MEGF10: variants seen among roughly 807,000 people sequenced by gnomAD.
MEGF10 encodes the protein multiple epidermal growth factor-like domains protein 10.
MEGF10 carries 86 observed loss-of-function variants against 147.5 expected under a neutral mutation model. The ratio of observed to expected loss-of-function variants is 0.58; its 90% CI spans 0.49 to 0.70. The LOEUF (loss-of-function observed/expected upper bound fraction) is 0.70, where lower values mean the gene tolerates loss of function less well. MEGF10 is among the 30% of genes least tolerant of loss of function. MEGF10 has a pLI of 0.00. For synonymous variants in MEGF10, 478 were observed against 525.5 expected, an observed-to-expected ratio of 0.91 and a Z score of 1.24; for missense variants, 1,329 against 1,487.3, an observed-to-expected ratio of 0.89 and a Z score of 1.75.
chr5:127,233,180 G>T, the MEGF10 span, among the ~76,000 whole-genome samples: 1 of 152,314 alleles, frequency 6.6e-6, no homozygotes, highest in East Asian at 1.9e-4. Context: ...CACAATGGAA[G>T]CCCTGTTGCC....
chr5:127,271,732 T>C, the MEGF10 span, among the ~76,000 whole-genome samples: 5 of 152,154 alleles, frequency 3.3e-5, no homozygotes, highest in East Asian at 3.9e-4. Context: ...CCTGCTGCCA[T>C]GTGGAAAAGA....
In MEGF10 at chr5:127,336,465, T is replaced by TTGG. The variant is rs1475948498; in HGVS notation, c.117-2652_117-2650dup. Among the ~76,000 whole-genome samples, 6 of 152,220 alleles carry TTGG rather than the reference T, an allele frequency of 3.9e-5. No individual in the cohort carries two copies. In the South Asian group the frequency reaches 6.2e-4, roughly 16 times the overall value. On this transcript the variant is annotated intron_variant, in intron 2 of 24. Transcript: ENST00000503335. ...GATTGTCCTTTTAATAAAAGAGCTATTGGTGAGCAGCAAGTGACAAGAAGA... is the reference window on the plus strand; with the variant it reads ...GATTGTCCTTTTAATAAAAGAGCTATTGGTGGTGAGCAGCAAGTGACAAGAAGA...
intron 4 of MEGF10, among the ~76,000 whole-genome samples, chr5:127,348,610 A>C (rs1761981521): frequency 1.3e-5 from 2 of 152,100 alleles, no homozygotes; most frequent in Non-Finnish European, 2.9e-5. Context: ...CTATTCAGAG[A>C]TTTACTTTGT....
chr5:127,417,738 C>T lies in MEGF10; in HGVS notation c.1231C>T (p.Gln411Ter). 6.2e-7 allele frequency: 1 copy of T among 1,614,100 alleles called. No homozygotes were observed. Reference protein sequence around the residue: ...SPGFYGEACQQICSCQNGADC... With the variant: ...SPGFYGEACQ Reference sequence around the variant, plus strand: ...TGGATTCTACGGGGAAGCTTGCCAGCAGATCTGCAGCTGCCAAAATGGGGC... The same window carrying T: ...TGGATTCTACGGGGAAGCTTGCCAGTAGATCTGCAGCTGCCAAAATGGGGC... The change falls in exon 10 of 25, where the codon CAG (glutamine) becomes TAG (stop). Residue 411 changes from glutamine to a stop codon, truncating the protein, a stop_gained. Transcript: ENST00000503335. LOFTEE classifies it high-confidence loss of function.
chr5:127,424,286 A>G (rs932111342), intron 13 of MEGF10: 2 of 701,576 alleles, frequency 2.9e-6, no homozygotes, highest in Non-Finnish European at 5.2e-6. Flanking sequence ...GCTTAGGAGG[A>G]AGCATTAAAA....
chr5:127,296,957 TTTTTGTTTTG>T (rs1330475766), intron 1 of MEGF10, among the ~76,000 whole-genome samples: 1 of 152,166 alleles, frequency 6.6e-6, no homozygotes, highest in Admixed American at 6.5e-5. Context: ...CCACCAGTTT[TTTTTGTTTTG>T]TTTTGTTTTG....
chr5:127,324,145 C>T (rs1580713341), intron 1 of MEGF10, among the ~76,000 whole-genome samples: 2 of 151,684 alleles, frequency 1.3e-5, no homozygotes, highest in East Asian at 3.9e-4. Flanking sequence ...GTTGCTGTAG[C>T]AGCGTTGAAA....
intron 1 of MEGF10, among the ~76,000 whole-genome samples, chr5:127,307,797 G>A (rs947023937): frequency 6.6e-6 from 1 of 152,100 alleles, no homozygotes; most frequent in Non-Finnish European, 1.5e-5. Context: ...GAAATTGTTG[G>A]CTTTAAAAAT....
intron 4 of MEGF10, among the ~76,000 whole-genome samples, chr5:127,355,232 G>A (rs1420874388): frequency 6.6e-6 from 1 of 152,092 alleles, no homozygotes; most frequent in Non-Finnish European, 1.5e-5. Context: ...ATTGGAGTTT[G>A]AGGCAGACAG....
intron 15 of MEGF10, 96 bp from the exon 16 acceptor site, chr5:127,435,265 G>T: frequency 7.0e-7 from 1 of 1,430,646 alleles, no homozygotes. Flanking sequence ...TGAGCAGCTG[G>T]GCCTGTGACC....
chr5:127,368,383 T>C lies in MEGF10; in HGVS notation c.320-1527T>C, dbSNP rs74702089. Among the ~76,000 whole-genome samples the C allele has an allele frequency of 1.4e-3, 212 of 152,338 alleles. 1 individual carries two copies. Among genetic ancestry groups the C allele is most frequent in the African/African-American group, 4.9e-3 (203 of 41,570 alleles). On this transcript the variant is annotated intron_variant, in intron 4 of 24. Coordinates refer to ENST00000503335, the MANE Select transcript of MEGF10 (RefSeq NM_001256545.2). ...CCTAGGTGCTAAAGAGTTGTTCTGA[T>C]GATAGCAAGAGAGCTTGTGTTTTCC... is the stretch of plus-strand genomic sequence containing the variant.
intron 4 of MEGF10, among the ~76,000 whole-genome samples, chr5:127,354,276 C>A (rs1762196562): frequency 6.6e-6 from 1 of 152,182 alleles, no homozygotes; most frequent in Non-Finnish European, 1.5e-5. Context: ...GTTCACTAAC[C>A]CAGGACTCTT....
chr5:127,263,299 G>T, the MEGF10 span, among the ~76,000 whole-genome samples: 8 of 111,722 alleles, frequency 7.2e-5, no homozygotes, highest in South Asian at 2.6e-3. Context: ...TGAAGGAAGA[G>T]GGATTCTCGG....
Position 127,449,171 on chromosome 5 carries a change from A to T in MEGF10, c.2929A>T (p.Thr977Ser). 6.2e-7 allele frequency: 1 copy of T among 1,614,142 alleles called. No homozygotes were observed. The highest frequency in any genetic ancestry group is 1.3e-5 in the African/African-American group (1 of 75,062). The change falls in exon 22 of 25, where the codon ACT (threonine) becomes TCT (serine). Residue 977 changes from threonine (T) to serine (S), a missense_variant. Transcript: ENST00000503335. The part of the protein sequence containing the change: ...PGKRGPVGDC[T>S]GTLPADWKHG... ...GAAGAGAGGCCCTGTGGGGGACTGC[A>T]CTGGGACATTGCCGGCTGACTGGAA... is the stretch of plus-strand genomic sequence containing the variant.
chr5:127,399,861 C>A (rs1764060665), intron 7 of MEGF10, among the ~76,000 whole-genome samples: 2 of 152,204 alleles, frequency 1.3e-5, no homozygotes, highest in African/African-American at 2.4e-5. Flanking sequence ...TCCACTCTGG[C>A]AATCTCATCC....
At chr5:127,380,499 A>G (rs1362456960) in intron 5 of MEGF10, among the ~76,000 whole-genome samples, 2 of 149,762 alleles carry the variant, frequency 1.3e-5, no homozygotes, top group Admixed American at 6.7e-5. Flanking sequence ...CAGTGTAGAC[A>G]CATTCTTTTT....
At chr5:127,267,200 T>C in the MEGF10 span, among the ~76,000 whole-genome samples, 4 of 152,210 alleles carry the variant, frequency 2.6e-5, no homozygotes, top group African/African-American at 9.6e-5. Context: ...TTGTCTTTGG[T>C]TCTGTTTATA....
intron 1 of MEGF10, among the ~76,000 whole-genome samples, chr5:127,313,849 TA>T (rs1211971923): frequency 6.6e-6 from 1 of 152,240 alleles, no homozygotes; most frequent in Non-Finnish European, 1.5e-5. Flanking sequence ...GCTGAAAAAG[TA>T]AAGCTTTTCT....
intron 1 of MEGF10, among the ~76,000 whole-genome samples, chr5:127,300,483 T>A (rs1255827818): frequency 6.6e-6 from 1 of 152,204 alleles, no homozygotes; most frequent in African/African-American, 2.4e-5. Context: ...AGAATAAGGG[T>A]CCTGCCCAAC....
Sources: allele counts gnomAD v4.1 joint callset (sites outside exome capture counted in the v4.1 genomes callset), GRCh38; gene constraint gnomAD v4.1.1; transcripts MANE v1.5; gene names NCBI Gene and HGNC (gene_info 2026-07-23, HGNC 2026-07-21).